SBF2: variants seen among roughly 807,000 people sequenced by gnomAD.
SBF2 encodes the protein myotubularin-related protein 13.
Under a neutral mutation model 225.2 loss-of-function variants are expected in SBF2, and 112 were observed. The ratio of observed to expected loss-of-function variants is 0.50; its 90% CI spans 0.43 to 0.58. SBF2 has a LOEUF of 0.58. Ranked by LOEUF, SBF2 falls within the 20% of genes least tolerant of loss-of-function variation. SBF2 has a pLI of 0.00. For synonymous variants in SBF2, 763 were observed against 773.3 expected (o/e 0.99, Z 0.22); for missense variants, 1,996 against 2,206.2 (o/e 0.90, Z 1.91).
At chr11:9,830,789 C>CA (rs1014452794) in intron 27 of SBF2, among the ~76,000 whole-genome samples, 6 of 141,004 alleles carry the variant, frequency 4.3e-5, no homozygotes, top group Admixed American at 2.8e-4. Flanking sequence ...AAACAAAAAA[C>CA]AAAAAAACCC....
intron 2 of SBF2, among the ~76,000 whole-genome samples, chr11:10,130,828 A>G (rs1954007941): frequency 6.6e-6 from 1 of 152,048 alleles, no homozygotes; most frequent in Admixed American, 6.6e-5. Flanking sequence ...CACTTACATA[A>G]TGCTCCTGAC....
intron 2 of SBF2, among the ~76,000 whole-genome samples, chr11:10,075,272 T>A (rs1951050738): frequency 6.6e-6 from 1 of 152,228 alleles, no homozygotes; most frequent in African/African-American, 2.4e-5. Context: ...TTAAGTGATA[T>A]CATGCATGTA....
At chr11:9,847,151 T>A in intron 22 of SBF2, 68 bp from the exon 23 acceptor site, 1 of 1,572,334 alleles carries the variant, frequency 6.4e-7, no homozygotes, top group Admixed American at 1.7e-5. Context: ...GTCTACTGCT[T>A]ACTTCATCAG....
chr11:10,004,320 T>A (rs1293357509), intron 6 of SBF2, among the ~76,000 whole-genome samples: 1 of 152,096 alleles, frequency 6.6e-6, no homozygotes, highest in Non-Finnish European at 1.5e-5. Flanking sequence ...ACATGAATTT[T>A]AAAAACCCAC....
chr11:10,258,404 C>T (rs1961091858), intron 1 of SBF2, among the ~76,000 whole-genome samples: 1 of 152,186 alleles, frequency 6.6e-6, no homozygotes, highest in East Asian at 1.9e-4. Flanking sequence ...CCATTGTGCC[C>T]AGCCAAGAGG....
At chr11:9,930,266 C>A (rs76220699) in intron 16 of SBF2, among the ~76,000 whole-genome samples, 1,660 of 152,172 alleles carry the variant, frequency 0.011, 12 homozygotes, top group Non-Finnish European at 0.017. Flanking sequence ...AATATTTATA[C>A]AATATATAAC....
intron 2 of SBF2, among the ~76,000 whole-genome samples, chr11:10,148,319 G>C (rs1253089004): frequency 6.6e-6 from 1 of 152,002 alleles, no homozygotes; most frequent in Non-Finnish European, 1.5e-5. Context: ...AATTGAAAGG[G>C]AAAAGAAAGC....
chr11:10,235,898 C>T (rs1959053265), intron 1 of SBF2, among the ~76,000 whole-genome samples: 1 of 152,076 alleles, frequency 6.6e-6, no homozygotes, highest in African/African-American at 2.4e-5. Context: ...TGAGACCCCC[C>T]ATCTCCACAA....
chr11:10,052,887 T>C (rs1290978873), intron 2 of SBF2, among the ~76,000 whole-genome samples: 1 of 152,182 alleles, frequency 6.6e-6, no homozygotes, highest in Non-Finnish European at 1.5e-5. Context: ...AATCACCTTA[T>C]GCATATTGTT....
intron 1 of SBF2, among the ~76,000 whole-genome samples, chr11:10,210,828 C>A (rs552787900): frequency 8.0e-4 from 121 of 151,974 alleles, no homozygotes; most frequent in Non-Finnish European, 8.8e-5. Flanking sequence ...GCCTGGCCAA[C>A]GTGGTGAAAC....
intron 38 of SBF2, chr11:9,783,204 T>C (rs1032705196): frequency 6.6e-6 from 1 of 152,234 alleles, no homozygotes; most frequent in Admixed American, 6.5e-5. Context: ...TTTTACACAG[T>C]GTAGGCTCTA....
intron 1 of SBF2, among the ~76,000 whole-genome samples, chr11:10,284,205 TCAC>T (rs1217167258): frequency 6.6e-6 from 1 of 152,168 alleles, no homozygotes; most frequent in African/African-American, 2.4e-5. Flanking sequence ...AATTACAAAA[TCAC>T]CACCAGGATA....
intron 13 of SBF2, among the ~76,000 whole-genome samples, chr11:9,975,588 C>T (rs1946644979): frequency 6.6e-6 from 1 of 152,030 alleles, no homozygotes; most frequent in Non-Finnish European, 1.5e-5. Context: ...TGTCAAAACT[C>T]GTAACTGTAG....
At chr11:9,829,767 G>A in intron 27 of SBF2, 1 of 422,338 alleles carries the variant, frequency 2.4e-6, no homozygotes, top group Admixed American at 3.5e-5. Context: ...ACCAGCACAG[G>A]GCTACCCTTC....
At chr11:10,214,323 G>A (rs1441134585) in intron 1 of SBF2, among the ~76,000 whole-genome samples, 1 of 152,126 alleles carries the variant, frequency 6.6e-6, no homozygotes, top group Non-Finnish European at 1.5e-5. Flanking sequence ...CTCTACAGTG[G>A]AGTTAAAAAC....
At chr11:9,946,390 A>G (rs549102398) in intron 16 of SBF2, among the ~76,000 whole-genome samples, 4 of 152,266 alleles carry the variant, frequency 2.6e-5, no homozygotes, top group Admixed American at 6.5e-5. Context: ...AAAATTGGGG[A>G]AAAAAATGCC....
At chr11:10,096,581 C>G (rs189822566) in intron 2 of SBF2, among the ~76,000 whole-genome samples, 3 of 152,056 alleles carry the variant, frequency 2.0e-5, no homozygotes, top group South Asian at 2.1e-4. Flanking sequence ...AAAAGCCTTA[C>G]GAGACTTAGA....
chr11:9,788,841 G>C (rs557217226), intron 35 of SBF2, among the ~76,000 whole-genome samples: 1 of 149,640 alleles, frequency 6.7e-6, no homozygotes, highest in South Asian at 2.1e-4. Context: ...TCCTGACCTT[G>C]TGATCTGCCC....
Position 10,193,327 on chromosome 11 carries a change from G to A in SBF2, c.141+575C>T, listed in dbSNP as rs572854660. On this transcript the variant is annotated intron_variant, in intron 2 of 39. Transcript: ENST00000256190. ...AGCAGTGGAATTTTTCTGCTTTTGA[G>A]TATATGAAAATCATCAATTTCATCT... 2.1e-5 allele frequency among the ~76,000 whole-genome samples: 3 copies of A among 145,902 alleles called. No individual in the cohort carries two copies. In the South Asian group the frequency reaches 6.7e-4, roughly 33 times the overall value.
Sources: gnomAD v4.1 joint callset for allele counts (sites outside exome capture counted in the v4.1 genomes callset) on GRCh38, gnomAD v4.1.1 for gene constraint, MANE v1.5 for transcripts, NCBI Gene and HGNC (gene_info 2026-07-23, HGNC 2026-07-21) for gene names.